The following SH3KBP1 variants were observed in gnomAD, a reference collection of about 807,000 sequenced individuals.
SH3KBP1 encodes the protein SH3 domain containing kinase binding protein 1, also known as SH3 domain-containing kinase-binding protein 1.
Under a neutral mutation model 50.1 loss-of-function variants are expected in SH3KBP1, and 8 were observed. The observed-to-expected ratio is 0.16, with a 90% confidence interval of 0.09 to 0.29. The LOEUF (loss-of-function observed/expected upper bound fraction) is 0.29, where lower values mean the gene tolerates loss of function less well. Ranked by LOEUF, SH3KBP1 falls within the 10% of genes least tolerant of loss-of-function variation. The pLI is 1.00. For missense variants in SH3KBP1, 377 were observed against 535.2 expected (o/e 0.70, Z 2.92); for synonymous variants, 227 against 218.6 (o/e 1.04, Z -0.34).
chrX:19,643,763 C>G (rs780695622), intron 7 of SH3KBP1, among the ~76,000 whole-genome samples: 38 of 111,378 alleles, frequency 3.4e-4, no homozygotes, highest in African/African-American at 1.2e-3. Flanking sequence ...AGAAACCTTC[C>G]CCTCTGAATT....
At chrX:19,589,033 C>T (rs780457416) in intron 11 of SH3KBP1, among the ~76,000 whole-genome samples, 38 of 111,847 alleles carry the variant, frequency 3.4e-4, no homozygotes, top group Non-Finnish European at 6.0e-4. Flanking sequence ...CTGCCTGAAG[C>T]GCCCTTCTGG....
At chrX:19,679,375 T>C (rs1373337445) in intron 6 of SH3KBP1, among the ~76,000 whole-genome samples, 1 of 111,324 alleles carries the variant, frequency 9.0e-6, no homozygotes, top group African/African-American at 3.3e-5. Context: ...TTCAGGTATA[T>C]ATTTTTTAAG....
At chrX:19,722,555 TGCGC>T (rs1236544543) in intron 3 of SH3KBP1, among the ~76,000 whole-genome samples, 11 of 96,671 alleles carry the variant, frequency 1.1e-4, no homozygotes, top group African/African-American at 4.6e-4. Flanking sequence ...TGTGTGTGTG[TGCGC>T]GTGCGCACTG....
intron 2 of SH3KBP1, among the ~76,000 whole-genome samples, chrX:19,822,829 G>A (rs747921500): frequency 8.9e-6 from 1 of 111,984 alleles, no homozygotes; most frequent in Non-Finnish European, 1.9e-5. Flanking sequence ...GGCTATTTTC[G>A]TTGGCTGCAG....
intron 8 of SH3KBP1, among the ~76,000 whole-genome samples, chrX:19,627,963 T>C (rs1289046070): frequency 8.9e-6 from 1 of 112,513 alleles, no homozygotes; most frequent in East Asian, 2.8e-4. Flanking sequence ...ATTAAACAGA[T>C]CATGGTGAAA....
At chrX:19,710,340 G>A (rs1202572345) in intron 3 of SH3KBP1, among the ~76,000 whole-genome samples, 1 of 111,560 alleles carries the variant, frequency 9.0e-6, no homozygotes, top group Non-Finnish European at 1.9e-5. Context: ...CACAGACAGC[G>A]TTGTGACTCC....
intron 12 of SH3KBP1, among the ~76,000 whole-genome samples, chrX:19,580,205 G>A (rs1173278826): frequency 8.9e-6 from 1 of 111,818 alleles, no homozygotes; most frequent in Non-Finnish European, 1.9e-5. Flanking sequence ...CTACCTAGAA[G>A]AGGGCCAGGG....
At chrX:19,550,832 G>A (rs1031417483) in intron 13 of SH3KBP1, among the ~76,000 whole-genome samples, 1 of 110,540 alleles carries the variant, frequency 9.0e-6, no homozygotes, top group Non-Finnish European at 1.9e-5. Context: ...CCGATGGGCT[G>A]CAACCCTGGG....
intron 2 of SH3KBP1, among the ~76,000 whole-genome samples, chrX:19,809,253 C>T (rs1395847761): frequency 6.3e-5 from 7 of 111,837 alleles, no homozygotes; most frequent in African/African-American, 2.3e-4. Flanking sequence ...CAGCCAGGCA[C>T]GGTAGCTCAC....
chrX:19,622,698 T>C (rs756557204), intron 8 of SH3KBP1, among the ~76,000 whole-genome samples: 9 of 112,027 alleles, frequency 8.0e-5, no homozygotes, highest in Non-Finnish European at 1.1e-4. Context: ...GACGACTATG[T>C]GCAACATGGT....
At chrX:19,718,835 T>C (rs192535271) in intron 3 of SH3KBP1, among the ~76,000 whole-genome samples, 25 of 110,638 alleles carry the variant, frequency 2.3e-4, no homozygotes, top group African/African-American at 6.6e-4. Flanking sequence ...ACATTAGTCA[T>C]TATTCTGATC....
intron 6 of SH3KBP1, among the ~76,000 whole-genome samples, chrX:19,654,540 T>C (rs1005792420): frequency 3.6e-5 from 4 of 112,013 alleles, no homozygotes; most frequent in African/African-American, 1.3e-4. Flanking sequence ...TATTTTGTTG[T>C]AGGATCATCT....
chrX:19,864,064 C>G (rs1250989780), intron 1 of SH3KBP1, among the ~76,000 whole-genome samples: 1 of 111,086 alleles, frequency 9.0e-6, no homozygotes, highest in Non-Finnish European at 1.9e-5. Flanking sequence ...CATCCATCCC[C>G]AGGCTCTAGC....
At chrX:19,698,417 C>T (rs915958385) in intron 4 of SH3KBP1, among the ~76,000 whole-genome samples, 1 of 112,265 alleles carries the variant, frequency 8.9e-6, no homozygotes, top group Admixed American at 9.4e-5. Context: ...GGAAAACAGA[C>T]GTATCTTCAC....
At chrX:19,648,128 T>C (rs1602811380) in intron 6 of SH3KBP1, 1 of 370,812 alleles carries the variant, frequency 2.7e-6, no homozygotes, top group South Asian at 2.4e-5. Context: ...GAACTTGTCA[T>C]TGCTACTAAA....
intron 11 of SH3KBP1, among the ~76,000 whole-genome samples, chrX:19,589,744 G>A (rs1173143234): frequency 9.1e-6 from 1 of 109,885 alleles, no homozygotes. Flanking sequence ...CTTGTAAGAT[G>A]GTACTCAGGA....
chrX:19,855,489 C>A (rs2068621270), intron 1 of SH3KBP1, among the ~76,000 whole-genome samples: 1 of 112,281 alleles, frequency 8.9e-6, no homozygotes, highest in Non-Finnish European at 1.9e-5. Context: ...GTTTGCTGAT[C>A]CCTGTCTCAG....
intron 2 of SH3KBP1, among the ~76,000 whole-genome samples, chrX:19,823,485 G>C (rs1309371521): frequency 8.9e-6 from 1 of 111,812 alleles, no homozygotes. Flanking sequence ...TGCTCCTATA[G>C]GCTGCCCATT....
At chrX:19,542,607 G>A (rs2064955311) in intron 15 of SH3KBP1, among the ~76,000 whole-genome samples, 1 of 111,415 alleles carries the variant, frequency 9.0e-6, no homozygotes, top group African/African-American at 3.3e-5. Context: ...ACTGCACAGA[G>A]GGAGGTGAGC....
Sources: gnomAD v4.1 joint callset for allele counts (sites outside exome capture counted in the v4.1 genomes callset) on GRCh38, gnomAD v4.1.1 for gene constraint, MANE v1.5 for transcripts, NCBI Gene and HGNC (gene_info 2026-07-23, HGNC 2026-07-21) for gene names.